NDUFS7: variants seen among roughly 807,000 people sequenced by gnomAD.
NDUFS7 encodes NADH:ubiquinone oxidoreductase core subunit S7, also known as NADH dehydrogenase [ubiquinone] iron-sulfur protein 7, mitochondrial.
Under a neutral mutation model 31.1 loss-of-function variants are expected in NDUFS7, and 11 were observed. The observed-to-expected ratio is 0.35, with a 90% CI of 0.22 to 0.59. NDUFS7 has a LOEUF of 0.59. Among genes scored for constraint, NDUFS7 ranks in the 20% least tolerant of loss-of-function variants. The probability of loss-of-function intolerance (pLI) is 0.79; values close to 1 mark genes in which losing one functional copy is unlikely to be tolerated. For synonymous variants in NDUFS7, 136 were observed against 127.9 expected, an observed-to-expected ratio of 1.06 and a Z score of -0.43; for missense variants, 263 against 324.2, an observed-to-expected ratio of 0.81 and a Z score of 1.45.
At chr19:1,385,238 C>T (rs1325318392) in intron 1 of NDUFS7, among the ~76,000 whole-genome samples, 1 of 152,216 alleles carries the variant, frequency 6.6e-6, no homozygotes, top group Non-Finnish European at 1.5e-5. Context: ...GCCTGGCCCA[C>T]GCGCGGTGGC....
intron 7 of NDUFS7, chr19:1,394,623 C>CGGACCGCGCTCCTCCCTCCCTGG (rs1425651028): frequency 8.2e-7 from 1 of 1,217,634 alleles, no homozygotes; most frequent in African/African-American, 1.6e-5. Flanking sequence ...TCCCTCCCAG[C>CGGACCGCGCTCCTCCCTCCCTGG]GGACCGCGCT....
In NDUFS7 at chr19:1,393,140, T is replaced by C; in HGVS notation, c.456-102T>C. On this transcript the variant is annotated intron_variant, in intron 6 of 7. Transcript: ENST00000233627. The surrounding 1 kb of genome is among the most constrained non-coding windows in gnomAD (Gnocchi z 7.3). ...GACAAGTTCCAGCCTCGTAGGTGCC[T>C]GGCCTGCAGTTGAAGGCGGGTGGGG... 1.1e-6 allele frequency: 1 copy of C among 880,250 alleles called. No individual in the cohort carries two copies. The highest frequency in any genetic ancestry group is 1.8e-6 in the Non-Finnish European group (1 of 559,818). 54.5% of individuals were successfully genotyped at this position (880,250 alleles called of 1,614,324 possible).
In NDUFS7 at chr19:1,389,186, C is replaced by G. The variant is rs778569986; in HGVS notation, c.228+248C>G. ...GCACACTTGCACACACATGCACACA[C>G]AAGCACATGTGCACACACGCTTGCA... On this transcript the variant is annotated intron_variant, in intron 4 of 7. Coordinates refer to ENST00000233627, the MANE Select transcript of NDUFS7 (RefSeq NM_024407.5). The G allele has an allele frequency of 4.3e-6, 3 of 692,752 alleles. No homozygotes were observed. In the South Asian group the frequency reaches 4.6e-5, roughly 11 times the overall value. The allele number at this position is 692,752 out of a possible 1,614,324, so 42.9% of individuals were successfully genotyped here.
In NDUFS7 at chr19:1,395,166, G is replaced by A. The variant is rs1025854841; in HGVS notation, c.545-225G>A. 110 of 1,414,508 alleles carry A rather than the reference G, an allele frequency of 7.8e-5. No individual in the cohort carries two copies. In the East Asian group the frequency reaches 2.5e-3, roughly 32 times the overall value. 87.6% of individuals were successfully genotyped at this position (1,414,508 alleles called of 1,614,324 possible). ...CCTGTGACAGCCCGGGATGAGCCAC[G>A]GGTGGAGGGCAGTGGGGCCTTGCCC... is the stretch of plus-strand genomic sequence containing the variant. On this transcript the variant is annotated intron_variant, in intron 7 of 7. Transcript: ENST00000233627.
chr19:1,391,135 C>T lies in NDUFS7; in HGVS notation c.425C>T (p.Pro142Leu), dbSNP rs770857111. 9.3e-6 allele frequency: 15 copies of T among 1,612,690 alleles called. No homozygotes were observed. Among genetic ancestry groups the T allele is most frequent in the East Asian group, 6.7e-5 (3 of 44,840 alleles). Residue 142 changes from proline to leucine, a missense_variant, in exon 6 of 8, where the codon CCG (proline) becomes CTG (leucine). Transcript: ENST00000233627. ...CTCTTCCAGGTCTACGACCAGATGC[C>T]GGAGCCGCGCTACGTGGTCTCCATG... ...PALRKVYDQM[P>L]EPRYVVSMGS...
chr19:1,387,930 G>GGGGGGC, intron 2 of NDUFS7, 83 bp downstream of exon 2: 1 of 433,008 alleles, frequency 2.3e-6, no homozygotes, highest in Non-Finnish European at 4.5e-6. Context: ...TGGGGGGTGG[G>GGGGGGC]GGGAGCGCCT....
At position 1,387,839 on chromosome 19, in the gene NDUFS7, T is replaced by C. The variant is rs1193585808; in HGVS notation, c.45T>C (p.Leu15=). Residue 15 remains leucine (L), a synonymous_variant, in exon 2 of 8, where the codon CTT becomes CTC. Transcript: ENST00000233627. The part of the protein sequence containing the change: ...SAPGLRGFRI[L]GLRSSVGPAV... ...CTGGCCTGCGCGGCTTCCGGATCCT[T>C]GGTCTGCGGTGAGTGCCTGAGTCTC... 1.9e-6 allele frequency: 3 copies of C among 1,587,758 alleles called. No individual in the cohort carries two copies. The East Asian group carries it at 7.0e-5, about 37-fold the overall frequency.
At position 1,393,397 on chromosome 19, in the gene NDUFS7, G is replaced by A. The variant is rs766791522; in HGVS notation, c.544+67G>A. On this transcript the variant is annotated intron_variant, in intron 7 of 7. Coordinates refer to ENST00000233627, the MANE Select transcript of NDUFS7 (RefSeq NM_024407.5). The surrounding 1 kb of genome is among the most constrained non-coding windows in gnomAD (Gnocchi z 7.3). ...GGGCCAGCGCCACACGGAGCCCGGC[G>A]GCCCCTGTGAGGGAGTCCCACACCC... 1.9e-5 allele frequency: 27 copies of A among 1,415,540 alleles called. 1 individual carries two copies. The highest frequency in any genetic ancestry group is 2.5e-5 in the East Asian group (1 of 40,262). 87.7% of individuals were successfully genotyped at this position (1,415,540 alleles called of 1,614,324 possible).
intron 1 of NDUFS7, among the ~76,000 whole-genome samples, chr19:1,385,006 G>T (rs2082498200): frequency 6.6e-6 from 1 of 152,144 alleles, no homozygotes; most frequent in South Asian, 2.1e-4. Flanking sequence ...GTAGAGATGG[G>T]GGTCTTGCCC....
rs201793033 is a variant in NDUFS7, at chr19:1,388,818, G to C, written c.123-15G>C. 8.2e-6 allele frequency: 13 copies of C among 1,581,558 alleles called. No homozygotes were observed. Among genetic ancestry groups the C allele is most frequent in the Non-Finnish European group, 1.1e-5 (13 of 1,164,614 alleles). Reference sequence around the variant, plus strand: ...CGTGGCTGACGCCTCCTGTGCCCGTGTGTCTCTGTGCCAGCACCCAGCCTG... The same window carrying C: ...CGTGGCTGACGCCTCCTGTGCCCGTCTGTCTCTGTGCCAGCACCCAGCCTG... On this transcript the variant is annotated splice_polypyrimidine_tract_variant and intron_variant, in intron 3 of 7. Transcript: ENST00000233627.
rs752392841 is a variant in NDUFS7 at position 1,388,618 on chromosome 19, T to C, written c.122+25T>C. The C allele has an allele frequency of 1.9e-6, 3 of 1,600,036 alleles. No individual in the cohort carries two copies. In the South Asian group the frequency reaches 3.3e-5, roughly 18 times the overall value. ...GGTGAAGCTGGCCTTCTGGGGGAGG[T>C]CGTACCCCCTCGCCCCACCCCCATC... On this transcript the variant is annotated intron_variant, in intron 3 of 7. Coordinates refer to ENST00000233627, the MANE Select transcript of NDUFS7 (RefSeq NM_024407.5).
intron 2 of NDUFS7, 152 bp downstream of exon 2, chr19:1,387,999 C>G: frequency 1.3e-6 from 1 of 767,184 alleles, no homozygotes. Context: ...GCACGCTGCC[C>G]GTGATGTGCC....
At chr19:1,389,216 TAC>T (rs200247849) in intron 4 of NDUFS7, 41 of 674,334 alleles carry the variant, frequency 6.1e-5, no homozygotes, top group Middle Eastern at 2.8e-4. Flanking sequence ...CTTGCACACA[TAC>T]ACACATGCAC....
At chr19:1,385,107 G>C (rs1333549118) in intron 1 of NDUFS7, among the ~76,000 whole-genome samples, 1 of 152,150 alleles carries the variant, frequency 6.6e-6, no homozygotes, top group African/African-American at 2.4e-5. Flanking sequence ...CCCAGCCTAC[G>C]CTAAGAATTG....
In NDUFS7 at chr19:1,390,965, T is replaced by G; in HGVS notation, c.323T>G (p.Val108Gly). ...APRYDMDRFG[V>G]VFRASPRQSD... Reference sequence around the variant, plus strand: ...CGCTACGACATGGACCGCTTTGGCGTGGTCTTCCGCGCCAGCCCGCGCCAG... The same window carrying G: ...CGCTACGACATGGACCGCTTTGGCGGGGTCTTCCGCGCCAGCCCGCGCCAG... The change falls in exon 5 of 8, where the codon GTG (valine) becomes GGG (glycine). Residue 108 changes from valine (V) to glycine (G), a missense_variant. Val to Gly is a moderately radical substitution (Grantham distance 109, BLOSUM62 -3). Coordinates refer to ENST00000233627, the MANE Select transcript of NDUFS7 (RefSeq NM_024407.5). The G allele has an allele frequency of 6.2e-7, 1 of 1,612,934 alleles. No individual in the cohort carries two copies.
chr19:1,394,587 T>TCGGCCCTCCCTGGGGACCGCGCC, intron 7 of NDUFS7: 2 of 1,207,808 alleles, frequency 1.7e-6, no homozygotes, highest in East Asian at 1.4e-4. Flanking sequence ...CGGACCGCGC[T>TCGGCCCTCCCTGGGGACCGCGCC]CGGCCCTCCC....
rs570398684 is a variant in NDUFS7 at position 1,395,422 on chromosome 19, C to T, written c.576C>T (p.Tyr192=). ...GCPPTAEALL[Y]GILQLQRKIK... ...CACCTACGGCCGAGGCCCTGCTCTACGGCATCCTGCAGCTGCAGAGGAAGA... is the reference window on the plus strand; with the variant it reads ...CACCTACGGCCGAGGCCCTGCTCTATGGCATCCTGCAGCTGCAGAGGAAGA... Residue 192 remains tyrosine, a synonymous_variant, in exon 8 of 8, where the codon TAC becomes TAT. Transcript: ENST00000233627. The T allele has an allele frequency of 6.0e-5, 96 of 1,602,508 alleles. No individual in the cohort carries two copies. Among genetic ancestry groups the T allele is most frequent in the South Asian group, 5.6e-4 (50 of 88,896 alleles).
Position 1,393,405 on chromosome 19 carries a change from T to C in NDUFS7, c.544+75T>C, listed in dbSNP as rs1423167965. The C allele has an allele frequency of 2.3e-6, 3 of 1,289,380 alleles. No individual in the cohort carries two copies. Among genetic ancestry groups the C allele is most frequent in the Non-Finnish European group, 2.2e-6 (2 of 919,864 alleles). The allele number at this position is 1,289,380 out of a possible 1,614,324, so 79.9% of individuals were successfully genotyped here. ...GCCACACGGAGCCCGGCGGCCCCTG[T>C]GAGGGAGTCCCACACCCCCAGCAGA... is the stretch of plus-strand genomic sequence containing the variant. On this transcript the variant is annotated intron_variant, in intron 7 of 7. Transcript: ENST00000233627. This position sits in a 1 kb window ranked among gnomAD's most constrained non-coding sequence, Gnocchi z 7.3.
Position 1,393,398 on chromosome 19 carries a change from G to A in NDUFS7, c.544+68G>A. 1.4e-6 allele frequency: 2 copies of A among 1,382,164 alleles called. No individual in the cohort carries two copies. Among genetic ancestry groups the A allele is most frequent in the Non-Finnish European group, 2.0e-6 (2 of 1,003,718 alleles). The allele number at this position is 1,382,164 out of a possible 1,614,324, so 85.6% of individuals were successfully genotyped here. On this transcript the variant is annotated intron_variant, in intron 7 of 7. Coordinates refer to ENST00000233627, the MANE Select transcript of NDUFS7 (RefSeq NM_024407.5). This position sits in a 1 kb window ranked among gnomAD's most constrained non-coding sequence, Gnocchi z 7.3. ...GGCCAGCGCCACACGGAGCCCGGCG[G>A]CCCCTGTGAGGGAGTCCCACACCCC...
Sources: gnomAD v4.1 joint callset for allele counts (sites outside exome capture counted in the v4.1 genomes callset) on GRCh38, gnomAD v4.1.1 for gene constraint, Gnocchi (gnomAD v3.1) non-coding constraint, MANE v1.5 for transcripts, NCBI Gene and HGNC (gene_info 2026-07-23, HGNC 2026-07-21) for gene names.